FOCAD: variants seen among roughly 807,000 people sequenced by gnomAD.
FOCAD encodes KIAA1797.
A neutral mutation model predicts 225.6 loss-of-function variants in FOCAD; 198 were observed. The observed-to-expected ratio is 0.88, with a 90% CI of 0.78 to 0.99. The LOEUF is 0.99. FOCAD is among the 50% of genes least tolerant of loss of function. The probability of loss-of-function intolerance (pLI) is 0.00; values close to 1 mark genes in which losing one functional copy is unlikely to be tolerated. For synonymous variants in FOCAD, 897 were observed against 755.0 expected, an observed-to-expected ratio of 1.19 and a Z score of -3.08; for missense variants, 2,713 against 2,123.6, an observed-to-expected ratio of 1.28 and a Z score of -5.46.
chr9:20,952,259 C>A (rs1248156401), intron 34 of FOCAD, among the ~76,000 whole-genome samples: 2 of 152,098 alleles, frequency 1.3e-5, no homozygotes, highest in African/African-American at 4.8e-5. Flanking sequence ...AGTGAATCAT[C>A]TTATACCCAG....
chr9:20,923,446 A>G (rs1834639893), intron 24 of FOCAD, among the ~76,000 whole-genome samples: 1 of 152,236 alleles, frequency 6.6e-6, no homozygotes, highest in African/African-American at 2.4e-5. Flanking sequence ...ATAATGACCC[A>G]TACTACATTG....
chr9:20,808,636 A>G (rs892211646), intron 11 of FOCAD, among the ~76,000 whole-genome samples: 8 of 152,208 alleles, frequency 5.3e-5, no homozygotes, highest in Non-Finnish European at 7.4e-5. Flanking sequence ...AGGAGGGAAT[A>G]GATGTGCCTT....
intron 8 of FOCAD, among the ~76,000 whole-genome samples, chr9:20,774,208 A>G (rs1003673851): frequency 1.3e-5 from 2 of 152,194 alleles, no homozygotes; most frequent in Non-Finnish European, 2.9e-5. Flanking sequence ...AAGGCTGGGG[A>G]CCACTGCTTT....
rs552730221 is a variant in FOCAD at position 20,929,409 on chromosome 9, G to T, written c.3130G>T (p.Ala1044Ser). ...TASAIARSAA[A>S]TALSLLVPVF... ...TAGTGCCATTGCCCGTTCTGCTGCC[G>T]CCACGGCTTTGTCTCTCCTTGTGCC... The change falls in exon 27 of 44, where the codon GCC becomes TCC. Residue 1044 changes from alanine to serine, a missense_variant. Transcript: ENST00000338382. The T allele has an allele frequency of 4.3e-6, 7 of 1,613,982 alleles. No homozygotes were observed. Among genetic ancestry groups the T allele is most frequent in the Non-Finnish European group, 4.2e-6 (5 of 1,179,996 alleles).
At chr9:20,759,547 A>G (rs934234634) in intron 6 of FOCAD, among the ~76,000 whole-genome samples, 1 of 152,348 alleles carries the variant, frequency 6.6e-6, no homozygotes, top group Non-Finnish European at 1.5e-5. Context: ...CTTACACCTT[A>G]TACAAAACTT....
intron 8 of FOCAD, 23 bp downstream of exon 8, chr9:20,770,261 C>G (rs775020053): frequency 1.3e-6 from 2 of 1,586,230 alleles, no homozygotes; most frequent in South Asian, 1.1e-5. Context: ...GTATATTATA[C>G]TGTTCATGCA....
intron 11 of FOCAD, 45 bp downstream of exon 11, chr9:20,789,653 T>G (rs1820317961): frequency 1.3e-6 from 2 of 1,599,278 alleles, no homozygotes. Context: ...GAAAGCTTAA[T>G]CATTGGAAAT....
intron 11 of FOCAD, among the ~76,000 whole-genome samples, chr9:20,811,269 A>G (rs1344885469): frequency 1.3e-5 from 2 of 152,050 alleles, no homozygotes; most frequent in African/African-American, 2.4e-5. Context: ...TTAGTGTTAG[A>G]TTGCTTTGAT....
In FOCAD at chr9:20,944,746, G is replaced by A; in HGVS notation, c.3527G>A (p.Ser1176Asn). Residue 1176 changes from serine to asparagine, a missense_variant, in exon 29 of 44, where the codon AGC becomes AAC. Ser to Asn is a conservative substitution (Grantham distance 46, BLOSUM62 1). Coordinates refer to ENST00000338382, the MANE Select transcript of FOCAD (RefSeq NM_001375567.1). Reference sequence around the variant, plus strand: ...AAGCTGTCTGCGCACGTAGATGACAGCGGGAGCCAGAGCAGAACGTTTCAG... The same window carrying A: ...AAGCTGTCTGCGCACGTAGATGACAACGGGAGCCAGAGCAGAACGTTTCAG... Reference protein sequence around the residue: ...LRKLSAHVDDSGSQSRTFQEV... With the variant: ...LRKLSAHVDDNGSQSRTFQEV... 1 of 1,613,742 alleles carries A rather than the reference G, an allele frequency of 6.2e-7. No homozygotes were observed. The highest frequency in any genetic ancestry group is 8.5e-7 in the Non-Finnish European group (1 of 1,179,784).
chr9:20,757,057 G>T (rs1563951066), intron 5 of FOCAD, among the ~76,000 whole-genome samples: 1 of 152,172 alleles, frequency 6.6e-6, no homozygotes, highest in African/African-American at 2.4e-5. Flanking sequence ...AGCCTCCTGA[G>T]TAGCTGGGAT....
At chr9:20,824,385 G>T (rs1014850192) in intron 15 of FOCAD, among the ~76,000 whole-genome samples, 5 of 151,904 alleles carry the variant, frequency 3.3e-5, no homozygotes, top group Non-Finnish European at 7.4e-5. Context: ...TTCCTAACAG[G>T]CATCAACTAA....
At position 20,720,254 on chromosome 9, in the gene FOCAD, G is replaced by A. The variant is rs1303240475; in HGVS notation, c.133-126G>A. On this transcript the variant is annotated intron_variant, in intron 3 of 43. Coordinates refer to ENST00000338382, the MANE Select transcript of FOCAD (RefSeq NM_001375567.1). ...TTATTCTAGGAACAGAGTGACAACA[G>A]CATCATCTTTATAAAGGAAAGCTAG... The A allele has an allele frequency of 5.6e-6, 5 of 897,802 alleles. No homozygotes were observed. The Admixed American group carries it at 1.2e-4, about 21-fold the overall frequency. The allele number at this position is 897,802 out of a possible 1,614,324, so 55.6% of individuals were successfully genotyped here.
intron 15 of FOCAD, among the ~76,000 whole-genome samples, chr9:20,850,318 A>C (rs1380546312): frequency 6.6e-6 from 1 of 151,530 alleles, no homozygotes; most frequent in Non-Finnish European, 1.5e-5. Context: ...TTATTTTTTT[A>C]TTTTTATAGA....
chr9:20,990,103 C>T lies in FOCAD; in HGVS notation c.5005-20C>T. The T allele has an allele frequency of 6.2e-7, 1 of 1,613,078 alleles. No individual in the cohort carries two copies. Among genetic ancestry groups the T allele is most frequent in the Non-Finnish European group, 8.5e-7 (1 of 1,179,246 alleles). On this transcript the variant is annotated intron_variant, in intron 41 of 43. Coordinates refer to ENST00000338382, the MANE Select transcript of FOCAD (RefSeq NM_001375567.1). ...ATTGTTAAAAAATATGACCTAACGT[C>T]ATTTCTATTTTCATCGTAGGCTTTG... is the stretch of plus-strand genomic sequence containing the variant.
chr9:20,817,693 C>T (rs1205686055), intron 11 of FOCAD, among the ~76,000 whole-genome samples: 1 of 151,748 alleles, frequency 6.6e-6, no homozygotes, highest in Non-Finnish European at 1.5e-5. Flanking sequence ...TTTCAAGGTT[C>T]ATCCATGTTG....
chr9:20,940,996 A>G (rs1836599197), intron 28 of FOCAD, among the ~76,000 whole-genome samples: 1 of 151,958 alleles, frequency 6.6e-6, no homozygotes, highest in African/African-American at 2.4e-5. Flanking sequence ...CTGCTTTTTA[A>G]CTAGACCCAG....
In FOCAD at chr9:20,778,786, C is replaced by T; in HGVS notation, c.994+18C>T. ...AAATCTAGGTAAATAAAAATACAGTCACTAGAGTAAAATGTAAATATAACA... is the reference window on the plus strand; with the variant it reads ...AAATCTAGGTAAATAAAAATACAGTTACTAGAGTAAAATGTAAATATAACA... On this transcript the variant is annotated intron_variant, in intron 9 of 43. Coordinates refer to ENST00000338382, the MANE Select transcript of FOCAD (RefSeq NM_001375567.1). 7.0e-6 allele frequency: 10 copies of T among 1,423,860 alleles called. No homozygotes were observed. Among genetic ancestry groups the T allele is most frequent in the Non-Finnish European group, 9.9e-6 (10 of 1,009,770 alleles). The allele number at this position is 1,423,860 out of a possible 1,614,324, so 88.2% of individuals were successfully genotyped here.
intron 19 of FOCAD, among the ~76,000 whole-genome samples, chr9:20,876,260 G>A (rs1986633): frequency 0.53 from 80,118 of 151,808 alleles, 21,652 homozygotes; most frequent in East Asian, 0.67. Flanking sequence ...AGAGTCTAAG[G>A]CCTCCCTGAA....
chr9:20,761,614 G>A (rs1186594569), intron 6 of FOCAD, among the ~76,000 whole-genome samples: 1 of 151,942 alleles, frequency 6.6e-6, no homozygotes, highest in Non-Finnish European at 1.5e-5. Flanking sequence ...TAGAGATGAG[G>A]TTTCACTGTG....
Sources: allele counts gnomAD v4.1 joint callset (sites outside exome capture counted in the v4.1 genomes callset), GRCh38; gene constraint gnomAD v4.1.1; transcripts MANE v1.5; gene names NCBI Gene and HGNC (gene_info 2026-07-23, HGNC 2026-07-21).